TRANK1: variants seen among roughly 807,000 people sequenced by gnomAD.
TRANK1 encodes tetratricopeptide repeat and ankyrin repeat containing 1.
A neutral mutation model predicts 266.0 loss-of-function variants in TRANK1; 198 were observed. The observed-to-expected ratio is 0.74, with a 90% CI of 0.66 to 0.84. The LOEUF (loss-of-function observed/expected upper bound fraction) is 0.84. Among genes scored for constraint, TRANK1 ranks in the 40% least tolerant of loss-of-function variants. The probability of loss-of-function intolerance (pLI) is 0.00; values close to 1 mark genes in which losing one functional copy is unlikely to be tolerated. For missense variants in TRANK1, 3,326 were observed against 3,634.6 expected (o/e 0.92, Z 2.18); for synonymous variants, 1,396 against 1,384.1 (o/e 1.01, Z -0.19).
At chr3:36,897,795 G>A (rs6550440) in intron 4 of TRANK1, among the ~76,000 whole-genome samples, 48,856 of 152,062 alleles carry the variant, frequency 0.32, 8,685 homozygotes, top group East Asian at 0.56. Context: ...ATCAAACACC[G>A]TATTTAAAAA....
rs546561814 is a variant in TRANK1 at position 36,930,340 on chromosome 3, T to C, written c.23+14447A>G. On this transcript the variant is annotated intron_variant, in intron 1 of 23. Coordinates refer to ENST00000645898, the MANE Select transcript of TRANK1 (RefSeq NM_001329998.2). The stretch of plus-strand genomic sequence containing the variant: ...AGTCTTACACCTACCAGGAACTGGA[T>C]CCTGCCAACAACATGAGTGAGTCTG... Among the ~76,000 whole-genome samples the C allele has an allele frequency of 1.0e-3, 159 of 152,284 alleles. 1 individual carries two copies. Among genetic ancestry groups the C allele is most frequent in the Non-Finnish European group, 1.8e-3 (125 of 68,014 alleles).
intron 8 of TRANK1, among the ~76,000 whole-genome samples, chr3:36,884,054 T>C (rs556340618): frequency 5.3e-5 from 8 of 152,322 alleles, no homozygotes; most frequent in African/African-American, 1.9e-4. Context: ...CTGAAATTCA[T>C]AGACTGAATA....
chr3:36,862,547 C>G (rs1226784702), intron 10 of TRANK1, among the ~76,000 whole-genome samples: 1 of 152,220 alleles, frequency 6.6e-6, no homozygotes, highest in Non-Finnish European at 1.5e-5. Context: ...CCTTCTGGCA[C>G]TCTCTGTTGA....
intron 1 of TRANK1, among the ~76,000 whole-genome samples, chr3:36,926,055 C>A (rs1217733843): frequency 6.6e-6 from 1 of 152,130 alleles, no homozygotes; most frequent in Non-Finnish European, 1.5e-5. Flanking sequence ...ACTGCCCAGA[C>A]AAAATTTCTT....
intron 1 of TRANK1, among the ~76,000 whole-genome samples, chr3:36,912,187 C>CA (rs564300404): frequency 0.031 from 4,054 of 131,254 alleles, 76 homozygotes; most frequent in Non-Finnish European, 0.048. Context: ...GAGACTCTGT[C>CA]AAAAAAAAAA....
chr3:36,855,522 T>G lies in TRANK1; in HGVS notation c.4200A>C (p.Gln1400His), dbSNP rs747934131. 2.5e-6 allele frequency: 4 copies of G among 1,613,914 alleles called. No homozygotes were observed. Among genetic ancestry groups the G allele is most frequent in the Non-Finnish European group, 3.4e-6 (4 of 1,179,876 alleles). ...CAAAATAACCTTTCTGGGACCTGAT[T>G]TGCTGATACAGACTGAAGAGGCTGT... ...EIYSLFSLYQ[Q>H]IRSQKGYFDE... Residue 1400 changes from glutamine to histidine, a missense_variant, in exon 13 of 24, where the codon CAA (glutamine) becomes CAC (histidine). Transcript: ENST00000645898.
At chr3:36,839,786 G>T (rs1228732006) in intron 18 of TRANK1, among the ~76,000 whole-genome samples, 1 of 152,156 alleles carries the variant, frequency 6.6e-6, no homozygotes, top group African/African-American at 2.4e-5. Flanking sequence ...CAGATTCCTG[G>T]GATCTAAATA....
At chr3:36,879,710 AT>A (rs2079458922) in intron 8 of TRANK1, among the ~76,000 whole-genome samples, 1 of 109,686 alleles carries the variant, frequency 9.1e-6, no homozygotes, top group Non-Finnish European at 1.7e-5. Flanking sequence ...ATAAATATAA[AT>A]ATATAAATAT....
At chr3:36,879,004 C>G (rs1475708763) in intron 8 of TRANK1, among the ~76,000 whole-genome samples, 1 of 151,828 alleles carries the variant, frequency 6.6e-6, no homozygotes, top group Non-Finnish European at 1.5e-5. Flanking sequence ...TTTAAATTGT[C>G]TGATTAATTA....
chr3:36,831,855 G>T lies in TRANK1; in HGVS notation c.7728C>A (p.Ile2576=). 6.2e-7 allele frequency: 1 copy of T among 1,613,996 alleles called. No individual in the cohort carries two copies. Among genetic ancestry groups the T allele is most frequent in the African/African-American group, 1.3e-5 (1 of 75,060 alleles). Reference sequence around the variant, plus strand: ...GGAGAGGCTTGCAGTATGGCTGCAGGATCTCCTCAGCATTCACTAGCATCA... The same window carrying T: ...GGAGAGGCTTGCAGTATGGCTGCAGTATCTCCTCAGCATTCACTAGCATCA... ...CLVMLVNAEE[I]LQPYCKPLLY... is the part of the protein sequence containing the mutation. Residue 2576 remains isoleucine (I), a synonymous_variant, in exon 22 of 24, where the codon ATC becomes ATA. Coordinates refer to ENST00000645898, the MANE Select transcript of TRANK1 (RefSeq NM_001329998.2). The surrounding 1 kb of genome is among the most constrained non-coding windows in gnomAD (Gnocchi z 5.0).
At chr3:36,918,552 AAGGAAGGAAGGT>A (rs1246041109) in intron 1 of TRANK1, among the ~76,000 whole-genome samples, 1,396 of 49,962 alleles carry the variant, frequency 0.028, 92 homozygotes, top group East Asian at 0.071. Flanking sequence ...GGAAGGAAGG[AAGGAAGGAAGGT>A]AGGAAGGAAG....
chr3:36,899,142 C>T lies in TRANK1; in HGVS notation c.400G>A (p.Asp134Asn). The change falls in exon 4 of 24, where the codon GAT becomes AAT. Residue 134 changes from aspartate to asparagine, a missense_variant. Asp to Asn is a conservative substitution (Grantham distance 23). Transcript: ENST00000645898. ...QRSQDQAPVA[D>N]FLVGVFTTMS... is the part of the protein sequence containing the mutation. Reference sequence around the variant, plus strand: ...GTGGTGAAGACTCCAACAAGGAAATCAGCAACCGGTGCCTGGTCTTGGCTT... The same window carrying T: ...GTGGTGAAGACTCCAACAAGGAAATTAGCAACCGGTGCCTGGTCTTGGCTT... The T allele has an allele frequency of 5.2e-6, 8 of 1,537,260 alleles. No homozygotes were observed. The highest frequency in any genetic ancestry group is 7.0e-6 in the Non-Finnish European group (8 of 1,146,928).
intron 9 of TRANK1, among the ~76,000 whole-genome samples, chr3:36,865,446 C>T (rs1478692771): frequency 2.0e-5 from 3 of 152,228 alleles, no homozygotes; most frequent in Non-Finnish European, 4.4e-5. Flanking sequence ...CATCCAACTA[C>T]ATGTCAGCCA....
chr3:36,842,842 A>C, intron 17 of TRANK1, 132 bp from the exon 18 acceptor site: 1 of 778,278 alleles, frequency 1.3e-6, no homozygotes, highest in Non-Finnish European at 2.2e-6. Flanking sequence ...CCGGTACCTC[A>C]GAATGTGGCT....
intron 8 of TRANK1, chr3:36,880,276 T>C: frequency 2.8e-6 from 1 of 356,290 alleles, no homozygotes; most frequent in South Asian, 2.5e-5. Context: ...TTTGCCAGCA[T>C]CAAGTTGGCC....
Position 36,833,143 on chromosome 3 carries a change from T to C in TRANK1, c.6440A>G (p.Asn2147Ser). 2 of 1,613,308 alleles carry C rather than the reference T, an allele frequency of 1.2e-6. No individual in the cohort carries two copies. The highest frequency in any genetic ancestry group is 1.7e-5 in the Admixed American group (1 of 59,916). Reference protein sequence around the residue: ...ILRIIFDLDLNLREKKTKDHF... With the variant: ...ILRIIFDLDLSLREKKTKDHF... Reference sequence around the variant, plus strand: ...ATCTTTTGTTTTTTTCTCTCTCAAGTTCAAATCCAGGTCAAAAATTATTCT... The same window carrying C: ...ATCTTTTGTTTTTTTCTCTCTCAAGCTCAAATCCAGGTCAAAAATTATTCT... The change falls in exon 22 of 24, where the codon AAC (asparagine) becomes AGC (serine). Residue 2147 changes from asparagine (N) to serine (S), a missense_variant. Asn to Ser is a conservative substitution (Grantham distance 46). Coordinates refer to ENST00000645898, the MANE Select transcript of TRANK1 (RefSeq NM_001329998.2).
chr3:36,903,538 C>A (rs1326443895), intron 2 of TRANK1, among the ~76,000 whole-genome samples: 2 of 152,280 alleles, frequency 1.3e-5, no homozygotes, highest in African/African-American at 4.8e-5. Context: ...CCATCTCTCA[C>A]TGATCTCCAC....
At chr3:36,880,630 A>G (rs1228487641) in intron 8 of TRANK1, 2 of 196,360 alleles carry the variant, frequency 1.0e-5, no homozygotes, top group Non-Finnish European at 2.2e-5. Context: ...TTCACTACAC[A>G]TCAATCTACT....
At position 36,838,456 on chromosome 3, in the gene TRANK1, G is replaced by A; in HGVS notation, c.5433C>T (p.Cys1811=). 1 of 1,614,046 alleles carries A rather than the reference G, an allele frequency of 6.2e-7. No individual in the cohort carries two copies. Among genetic ancestry groups the A allele is most frequent in the Non-Finnish European group, 8.5e-7 (1 of 1,179,902 alleles). ...ACTTAAGGGACAGTGTTGGCTCTTT[G>A]CACTCCAAATAGGTCTTAGCCAATT... ...YLELAKTYLE[C]KEPTLSLKCL... The change falls in exon 20 of 24, where the codon TGC becomes TGT. Residue 1811 remains cysteine, a synonymous_variant. Coordinates refer to ENST00000645898, the MANE Select transcript of TRANK1 (RefSeq NM_001329998.2).
Sources: allele counts gnomAD v4.1 joint callset (sites outside exome capture counted in the v4.1 genomes callset), GRCh38; gene constraint gnomAD v4.1.1; non-coding constraint Gnocchi (gnomAD v3.1); transcripts MANE v1.5; gene names NCBI Gene and HGNC (gene_info 2026-07-23, HGNC 2026-07-21).